The following MPHOSPH8 variants were observed in gnomAD, a reference collection of about 807,000 sequenced individuals.
MPHOSPH8 encodes the protein M-phase phosphoprotein, mpp.
Under a neutral mutation model 87.3 loss-of-function variants are expected in MPHOSPH8, and 45 were observed. That is an observed-to-expected ratio of 0.52 (90% CI 0.41 to 0.66). The LOEUF (loss-of-function observed/expected upper bound fraction) is 0.66. MPHOSPH8 is among the 30% of genes least tolerant of loss of function. The pLI, the probability that MPHOSPH8 is intolerant of heterozygous loss-of-function variation, is 0.00. For missense variants in MPHOSPH8, 883 were observed against 1,020.2 expected, an observed-to-expected ratio of 0.87 and a Z score of 1.83; for synonymous variants, 366 against 376.9, an observed-to-expected ratio of 0.97 and a Z score of 0.33.
At position 19,670,835 on chromosome 13, in the gene MPHOSPH8, T is replaced by G. The variant is rs1022518541; in HGVS notation, c.2458-371T>G. 66 of 839,878 alleles carry G rather than the reference T, an allele frequency of 7.9e-5. No individual in the cohort carries two copies. In the African/African-American group the frequency reaches 8.0e-4, roughly 10 times the overall value. 52.0% of individuals were successfully genotyped at this position (839,878 alleles called of 1,614,324 possible). ...AAATAAATCACTTTTTTTTTTTTTTTGAAGACAGGGTCTCGCTCTGTTGTC... is the reference window on the plus strand; with the variant it reads ...AAATAAATCACTTTTTTTTTTTTTTGGAAGACAGGGTCTCGCTCTGTTGTC... On this transcript the variant is annotated intron_variant, in intron 12 of 13. Transcript: ENST00000361479.
chr13:19,660,849 T>C (rs1228120660), intron 7 of MPHOSPH8: 1 of 813,636 alleles, frequency 1.2e-6, no homozygotes, highest in African/African-American at 1.9e-5. Flanking sequence ...AGTTACTTGT[T>C]TTGGATTTTC....
intron 1 of MPHOSPH8, among the ~76,000 whole-genome samples, chr13:19,641,384 A>G (rs1298288189): frequency 1.4e-5 from 2 of 147,052 alleles, no homozygotes; most frequent in Non-Finnish European, 3.0e-5. Context: ...GTGCAGTGGC[A>G]CAATCTCTGC....
intron 8 of MPHOSPH8, 85 bp downstream of exon 8, chr13:19,661,923 T>C (rs1009829710): frequency 2.8e-6 from 4 of 1,446,656 alleles, no homozygotes; most frequent in East Asian, 2.5e-5. Flanking sequence ...TAGTGAAATA[T>C]AGCAGTCACA....
Position 19,641,071 on chromosome 13 carries a change from C to T in MPHOSPH8, c.214-1044C>T, listed in dbSNP as rs377015330. On this transcript the variant is annotated intron_variant, in intron 1 of 13. Transcript: ENST00000361479. ...ATTTTTCATTGCTTTTCAAGAATTA[C>T]GTACTGCTTTATGGAATCAGAATAG... Among the ~76,000 whole-genome samples the T allele has an allele frequency of 3.3e-5, 5 of 152,220 alleles. No homozygotes were observed. The East Asian group carries it at 5.8e-4, about 18-fold the overall frequency.
At chr13:19,668,654 G>A (rs1875953125) in intron 11 of MPHOSPH8, 123 bp downstream of exon 11, 3 of 1,135,346 alleles carry the variant, frequency 2.6e-6, no homozygotes, top group Middle Eastern at 3.0e-4. Context: ...TAATAATTCT[G>A]CAGACCGGTT....
At position 19,654,393 on chromosome 13, in the gene MPHOSPH8, G is replaced by A. The variant is rs376509844; in HGVS notation, c.1576+4133G>A. Among the ~76,000 whole-genome samples the A allele has an allele frequency of 2.0e-5, 3 of 152,124 alleles. No homozygotes were observed. In the South Asian group the frequency reaches 6.2e-4, roughly 31 times the overall value. On this transcript the variant is annotated intron_variant, in intron 5 of 13. Transcript: ENST00000361479. ...CCTGATGTAGATGACAGGATGAGGG[G>A]TGCAGCAAACTGCCATGGCACGTGT... is the stretch of plus-strand genomic sequence containing the variant.
intron 5 of MPHOSPH8, among the ~76,000 whole-genome samples, chr13:19,655,782 G>T (rs572046440): frequency 2.1e-4 from 32 of 152,176 alleles, no homozygotes; most frequent in Admixed American, 2.0e-3. Context: ...GTAAGACAAA[G>T]AAATAAAAAA....
chr13:19,655,393 G>A (rs1253799946), intron 5 of MPHOSPH8, among the ~76,000 whole-genome samples: 1 of 152,094 alleles, frequency 6.6e-6, no homozygotes, highest in East Asian at 1.9e-4. Context: ...ACTTGAGCCC[G>A]GAAGTTCGAG....
chr13:19,642,685 TAAA>T (rs75653621), intron 2 of MPHOSPH8, among the ~76,000 whole-genome samples: 1 of 142,098 alleles, frequency 7.0e-6, no homozygotes, highest in African/African-American at 2.6e-5. Context: ...GGACCTGGTT[TAAA>T]AAAAAAAAAA....
chr13:19,668,349 G>C (rs192210814), intron 10 of MPHOSPH8, 28 bp from the exon 11 acceptor site: 1 of 1,603,338 alleles, frequency 6.2e-7, no homozygotes, highest in South Asian at 1.1e-5. Flanking sequence ...CTACATTAAC[G>C]TTAACACGTA....
intron 1 of MPHOSPH8, among the ~76,000 whole-genome samples, chr13:19,634,595 CAA>C: frequency 6.6e-6 from 1 of 152,154 alleles, no homozygotes; most frequent in East Asian, 1.9e-4. Context: ...AAATCTTACT[CAA>C]ATGCTTCCAA....
At chr13:19,649,148 G>A (rs1874718158) in intron 4 of MPHOSPH8, among the ~76,000 whole-genome samples, 1 of 152,222 alleles carries the variant, frequency 6.6e-6, no homozygotes, top group Non-Finnish European at 1.5e-5. Context: ...GGCTGTTTCA[G>A]TGGGTCACAC....
At chr13:19,645,138 C>G (rs1874498980) in intron 2 of MPHOSPH8, among the ~76,000 whole-genome samples, 1 of 152,160 alleles carries the variant, frequency 6.6e-6, no homozygotes, top group Admixed American at 6.5e-5. Flanking sequence ...CTCTCCCCTT[C>G]TCCGCCTTGC....
rs528394722 is a variant in MPHOSPH8 at position 19,646,362 on chromosome 13, C to A, written c.370-81C>A. On this transcript the variant is annotated intron_variant, in intron 2 of 13. Transcript: ENST00000361479. The stretch of plus-strand genomic sequence containing the variant: ...CTGCTTGGAACAAAAAATATTCTTA[C>A]CAAATTTCATTAGTACTACTTTTCA... 28 of 1,173,896 alleles carry A rather than the reference C, an allele frequency of 2.4e-5. No individual in the cohort carries two copies. The South Asian group carries it at 6.6e-4, about 28-fold the overall frequency. 72.7% of individuals were successfully genotyped at this position (1,173,896 alleles called of 1,614,324 possible). A position where few individuals can be genotyped will look rare whatever the true frequency, so the allele number is the denominator to read the frequency against.
chr13:19,671,409 C>T (rs1443652370), intron 13 of MPHOSPH8, 120 bp downstream of exon 13: 1 of 804,956 alleles, frequency 1.2e-6, no homozygotes, highest in Non-Finnish European at 2.0e-6. Context: ...ACAGGCACTC[C>T]CTGGGGTAGT....
chr13:19,660,818 A>G (rs1206413739), intron 7 of MPHOSPH8: 1 of 525,068 alleles, frequency 1.9e-6, no homozygotes, highest in East Asian at 1.5e-4. Flanking sequence ...CAGTCATTTA[A>G]TGAAATTCTT....
Position 19,646,993 on chromosome 13 carries a change from A to C in MPHOSPH8, c.920A>C (p.Glu307Ala). The change falls in exon 3 of 14, where the codon GAG (glutamate) becomes GCG (alanine). Residue 307 changes from glutamate (E) to alanine (A), a missense_variant. Physicochemically the swap from Glu to Ala is moderately radical, Grantham distance 107. Around this residue, in one of 3 missense-constraint regions of MPHOSPH8, gnomAD observed 741 missense variants for 841.5 expected, o/e 0.88. Coordinates refer to ENST00000361479, the MANE Select transcript of MPHOSPH8 (RefSeq NM_017520.4). ...RERAGQDMGL[E>A]HGFEKPLDSA... Reference sequence around the variant, plus strand: ...AGAGCAGGGCAGGACATGGGGCTGGAGCATGGCTTTGAGAAGCCCCTAGAC... The same window carrying C: ...AGAGCAGGGCAGGACATGGGGCTGGCGCATGGCTTTGAGAAGCCCCTAGAC... 6.3e-7 allele frequency: 1 copy of C among 1,592,760 alleles called. No homozygotes were observed. Among genetic ancestry groups the C allele is most frequent in the South Asian group, 1.1e-5 (1 of 87,400 alleles).
chr13:19,636,312 A>G lies in MPHOSPH8; in HGVS notation c.213+2351A>G, dbSNP rs117220334. Among the ~76,000 whole-genome samples, 14 of 152,276 alleles carry G rather than the reference A, an allele frequency of 9.2e-5. No individual in the cohort carries two copies. The East Asian group carries it at 2.5e-3, about 27-fold the overall frequency. On this transcript the variant is annotated intron_variant, in intron 1 of 13. Transcript: ENST00000361479. ...TAGTCTATAATCAGAAACACTTACAATTGATTCACTTTTTACTAATTAATA... is the reference window on the plus strand; with the variant it reads ...TAGTCTATAATCAGAAACACTTACAGTTGATTCACTTTTTACTAATTAATA...
rs750712021 is a variant in MPHOSPH8, at chr13:19,652,567, C to T, written c.1576+2307C>T. ...TTCCATACCCCAGTGGCACCTGGAA[C>T]GCCAGCGAGACAAAACCGTTCATTC... On this transcript the variant is annotated intron_variant, in intron 5 of 13. Transcript: ENST00000361479. 1.5e-4 allele frequency among the ~76,000 whole-genome samples: 23 copies of T among 152,246 alleles called. No homozygotes were observed. In the South Asian group the frequency reaches 3.3e-3, roughly 22 times the overall value.
Sources: allele counts gnomAD v4.1 joint callset (sites outside exome capture counted in the v4.1 genomes callset), GRCh38; gene constraint gnomAD v4.1.1; regional missense constraint gnomAD v4.1.1; transcripts MANE v1.5; gene names NCBI Gene and HGNC (gene_info 2026-07-23, HGNC 2026-07-21).